ARMH4: variants seen among roughly 807,000 people sequenced by gnomAD.
The protein encoded by ARMH4 is armadillo like helical domain containing 4, also known as armadillo-like helical domain-containing protein 4.
Under a neutral mutation model 61.9 loss-of-function variants are expected in ARMH4, and 49 were observed. The ratio of observed to expected loss-of-function variants is 0.79; its 90% CI spans 0.63 to 1.00. The LOEUF (loss-of-function observed/expected upper bound fraction) is 1.00, where lower values mean the gene tolerates loss of function less well. ARMH4 is among the 50% of genes least tolerant of loss of function. ARMH4 has a pLI of 0.00. For synonymous variants in ARMH4, 368 were observed against 341.5 expected (o/e 1.08, Z -0.85); for missense variants, 934 against 930.0 (o/e 1.00, Z -0.06).
intron 4 of ARMH4, chr14:58,116,080 A>T (rs560226549): frequency 6.6e-6 from 1 of 152,630 alleles, no homozygotes; most frequent in East Asian, 1.9e-4. Flanking sequence ...AAAAATAGAC[A>T]TTACCTTAAA....
At chr14:58,115,096 C>A (rs1290444716) in intron 4 of ARMH4, among the ~76,000 whole-genome samples, 1 of 152,000 alleles carries the variant, frequency 6.6e-6, no homozygotes, top group Non-Finnish European at 1.5e-5. Context: ...ATGAGTGGGA[C>A]CTAATTAAAC....
intron 5 of ARMH4, among the ~76,000 whole-genome samples, chr14:58,022,685 G>A (rs1399083716): frequency 2.0e-5 from 3 of 152,044 alleles, no homozygotes; most frequent in Non-Finnish European, 4.4e-5. Context: ...ACCCAATCCT[G>A]TCACAGGGTC....
At chr14:58,146,453 T>C (rs1359715830) in intron 1 of ARMH4, among the ~76,000 whole-genome samples, 2 of 152,248 alleles carry the variant, frequency 1.3e-5, no homozygotes, top group East Asian at 3.8e-4. Flanking sequence ...CAGCTTTGAA[T>C]AGCTTAAAAA....
chr14:58,034,110 C>G (rs1292957808), intron 5 of ARMH4, among the ~76,000 whole-genome samples: 6 of 130,654 alleles, frequency 4.6e-5, no homozygotes, highest in African/African-American at 1.4e-4. Context: ...GTCAGATTCA[C>G]CAAAGTTGAA....
intron 5 of ARMH4, among the ~76,000 whole-genome samples, chr14:58,056,144 G>T (rs1385789773): frequency 6.6e-6 from 1 of 152,148 alleles, no homozygotes; most frequent in East Asian, 1.9e-4. Flanking sequence ...GCCACCATAG[G>T]AAACCAAGAT....
At chr14:58,120,550 T>A (rs564507863) in intron 4 of ARMH4, among the ~76,000 whole-genome samples, 1 of 152,138 alleles carries the variant, frequency 6.6e-6, no homozygotes, top group Non-Finnish European at 1.5e-5. Context: ...AAGAGATATA[T>A]TCTGAGCCAA....
chr14:58,108,854 A>C (rs1023900625), intron 4 of ARMH4, among the ~76,000 whole-genome samples: 1 of 152,238 alleles, frequency 6.6e-6, no homozygotes, highest in African/African-American at 2.4e-5. Context: ...AACCTTTGGC[A>C]CTGTCAAACA....
intron 5 of ARMH4, among the ~76,000 whole-genome samples, chr14:58,026,698 T>A (rs1883032399): frequency 1.3e-5 from 2 of 152,108 alleles, no homozygotes; most frequent in African/African-American, 2.4e-5. Flanking sequence ...ATAAAGCCCA[T>A]CAGCTCTACC....
chr14:58,118,911 C>T (rs913811138), intron 4 of ARMH4, among the ~76,000 whole-genome samples: 1 of 152,252 alleles, frequency 6.6e-6, no homozygotes, highest in Non-Finnish European at 1.5e-5. Context: ...GAAGCAGACA[C>T]CTTAAAAAAA....
intron 5 of ARMH4, among the ~76,000 whole-genome samples, chr14:58,031,576 G>C (rs557167798): frequency 1.3e-5 from 2 of 152,248 alleles, no homozygotes; most frequent in East Asian, 3.9e-4. Context: ...ATTTTTCCAA[G>C]ACTTGTGCGA....
At chr14:58,133,424 G>C (rs923475832) in intron 2 of ARMH4, 83 bp from the exon 3 acceptor site, 17 of 1,351,810 alleles carry the variant, frequency 1.3e-5, no homozygotes, top group East Asian at 9.6e-5. Context: ...TAAAAACTTG[G>C]GGGGAGGGGA....
chr14:58,104,257 T>C (rs1055185181), intron 4 of ARMH4, among the ~76,000 whole-genome samples: 2 of 152,172 alleles, frequency 1.3e-5, no homozygotes, highest in Admixed American at 6.5e-5. Flanking sequence ...TAGTATACAA[T>C]TTATATTATG....
intron 5 of ARMH4, among the ~76,000 whole-genome samples, chr14:58,029,231 A>AT (rs1389389916): frequency 6.7e-6 from 1 of 149,928 alleles, no homozygotes; most frequent in Non-Finnish European, 1.5e-5. Context: ...TTCACTTAGC[A>AT]TAACTTTTTT....
intron 5 of ARMH4, among the ~76,000 whole-genome samples, chr14:58,069,652 C>G (rs1375840295): frequency 6.6e-6 from 1 of 152,048 alleles, no homozygotes; most frequent in Non-Finnish European, 1.5e-5. Flanking sequence ...ATGCAGACGG[C>G]AAGAGAAGAG....
At chr14:58,111,181 T>G (rs1886342533) in intron 4 of ARMH4, among the ~76,000 whole-genome samples, 1 of 152,216 alleles carries the variant, frequency 6.6e-6, no homozygotes, top group African/African-American at 2.4e-5. Context: ...TTGTCTCAAA[T>G]TTTATTTTGT....
intron 4 of ARMH4, among the ~76,000 whole-genome samples, chr14:58,099,821 A>C (rs1466602257): frequency 6.6e-6 from 1 of 152,244 alleles, no homozygotes; most frequent in African/African-American, 2.4e-5. Context: ...CAGTGGCTGC[A>C]TGCATAGACT....
At chr14:58,067,859 T>C (rs1022779545) in intron 5 of ARMH4, among the ~76,000 whole-genome samples, 8 of 152,144 alleles carry the variant, frequency 5.3e-5, no homozygotes, top group Non-Finnish European at 8.8e-5. Context: ...TATGAAAATA[T>C]GTAAAATAAG....
At chr14:58,012,287 A>G (rs78167789) in intron 5 of ARMH4, 137 bp from the exon 6 acceptor site, 16,743 of 481,676 alleles carry the variant, frequency 0.035, 367 homozygotes, top group Middle Eastern at 0.057. Flanking sequence ...TAATGACGAT[A>G]ATGGCCTTAT....
At chr14:58,012,284 G>T in intron 5 of ARMH4, 134 bp from the exon 6 acceptor site, 1 of 483,084 alleles carries the variant, frequency 2.1e-6, no homozygotes, top group Non-Finnish European at 3.7e-6. Flanking sequence ...ACATAATGAC[G>T]ATAATGGCCT....
Sources: allele counts gnomAD v4.1 joint callset (sites outside exome capture counted in the v4.1 genomes callset), GRCh38; gene constraint gnomAD v4.1.1; transcripts MANE v1.5; gene names NCBI Gene and HGNC (gene_info 2026-07-23, HGNC 2026-07-21).